Variants in FHOD3 observed in about 807,000 individuals in gnomAD.
FHOD3 encodes FH1/FH2 domain-containing protein 3.
FHOD3 carries 90 observed loss-of-function variants against 173.0 expected under a neutral mutation model. The ratio of observed to expected loss-of-function variants is 0.52; its 90% CI spans 0.44 to 0.62. The LOEUF (loss-of-function observed/expected upper bound fraction) is 0.62. FHOD3 is among the 20% of genes least tolerant of loss of function. The probability of loss-of-function intolerance (pLI) is 0.00; values close to 1 mark genes in which losing one functional copy is unlikely to be tolerated. For missense variants in FHOD3, 1,945 were observed against 2,034.7 expected (o/e 0.96, Z 0.85); for synonymous variants, 828 against 823.0 (o/e 1.01, Z -0.10).
intron 3 of FHOD3, among the ~76,000 whole-genome samples, chr18:36,494,127 T>A (rs2145850488): frequency 6.6e-6 from 1 of 152,254 alleles, no homozygotes; most frequent in African/African-American, 2.4e-5. Context: ...GGTCTGTCTT[T>A]CCCCACACAC....
intron 19 of FHOD3, among the ~76,000 whole-genome samples, chr18:36,721,918 G>A (rs1257806196): frequency 6.6e-6 from 1 of 152,172 alleles, no homozygotes; most frequent in African/African-American, 2.4e-5. Context: ...ATCAAAAAAA[G>A]TAACATTAGA....
chr18:36,321,792 G>A (rs904248243), intron 1 of FHOD3, among the ~76,000 whole-genome samples: 1 of 152,102 alleles, frequency 6.6e-6, no homozygotes, highest in African/African-American at 2.4e-5. Flanking sequence ...TGAATATGCA[G>A]GGGGGGCACT....
chr18:36,329,843 T>C (rs769996719), intron 1 of FHOD3, among the ~76,000 whole-genome samples: 9 of 152,156 alleles, frequency 5.9e-5, no homozygotes, highest in Admixed American at 3.3e-4. Flanking sequence ...CAGGTTACCA[T>C]TGGGCCCGTT....
chr18:36,604,713 T>A (rs1445652017), intron 8 of FHOD3, among the ~76,000 whole-genome samples: 1 of 152,220 alleles, frequency 6.6e-6, no homozygotes, highest in South Asian at 2.1e-4. Flanking sequence ...ACGTTTATTT[T>A]AAAAATAAAA....
chr18:36,668,493 A>G (rs2037327763), intron 14 of FHOD3, among the ~76,000 whole-genome samples: 1 of 151,284 alleles, frequency 6.6e-6, no homozygotes, highest in Non-Finnish European at 1.5e-5. Context: ...TAATTTTTAT[A>G]CTGTTTTTCT....
intron 19 of FHOD3, among the ~76,000 whole-genome samples, chr18:36,725,703 G>T (rs1320379922): frequency 1.3e-5 from 2 of 152,164 alleles, no homozygotes; most frequent in African/African-American, 4.8e-5. Context: ...GAAGGAACAT[G>T]TCAGTCAATC....
intron 24 of FHOD3, among the ~76,000 whole-genome samples, chr18:36,748,632 C>T (rs943706740): frequency 2.6e-5 from 4 of 152,092 alleles, no homozygotes; most frequent in Admixed American, 6.5e-5. Flanking sequence ...TGGCTGCTCC[C>T]GCCTCACCTG....
intron 28 of FHOD3, 25 bp downstream of exon 28, chr18:36,769,451 G>A: frequency 6.2e-7 from 1 of 1,610,414 alleles, no homozygotes; most frequent in Non-Finnish European, 8.5e-7. Context: ...GGAGGGGCGA[G>A]CCTTCACCCC....
At chr18:36,643,852 A>G (rs1318453956) in intron 10 of FHOD3, among the ~76,000 whole-genome samples, 2 of 152,130 alleles carry the variant, frequency 1.3e-5, no homozygotes, top group Non-Finnish European at 2.9e-5. Context: ...CTCCCAGTGT[A>G]TTGCTCAACT....
intron 2 of FHOD3, among the ~76,000 whole-genome samples, chr18:36,359,869 A>G (rs1024849714): frequency 6.6e-6 from 1 of 152,228 alleles, no homozygotes; most frequent in Non-Finnish European, 1.5e-5. Flanking sequence ...AGTTCCTGAT[A>G]CATAATACAC....
chr18:36,779,384 G>C, intron 28 of FHOD3, 64 bp from the exon 29 acceptor site: 3 of 1,496,304 alleles, frequency 2.0e-6, no homozygotes, highest in Non-Finnish European at 2.8e-6. Flanking sequence ...ACTGCCCTGT[G>C]CCTTGCTGCT....
chr18:36,376,484 T>C (rs919746575), intron 3 of FHOD3, among the ~76,000 whole-genome samples: 3 of 152,196 alleles, frequency 2.0e-5, no homozygotes, highest in Non-Finnish European at 4.4e-5. Context: ...TGTGAAAGAA[T>C]CCTGGCACAA....
chr18:36,554,131 T>A (rs563626883), intron 5 of FHOD3, among the ~76,000 whole-genome samples: 19 of 152,294 alleles, frequency 1.2e-4, no homozygotes, highest in African/African-American at 4.3e-4. Context: ...GCCATCCCAC[T>A]ACTGGGTATA....
At chr18:36,583,193 C>T (rs911867653) in intron 6 of FHOD3, among the ~76,000 whole-genome samples, 1 of 152,120 alleles carries the variant, frequency 6.6e-6, no homozygotes, top group Non-Finnish European at 1.5e-5. Flanking sequence ...AGTGGGAAGC[C>T]GTTGAACTCT....
intron 14 of FHOD3, among the ~76,000 whole-genome samples, chr18:36,669,497 G>C (rs1279969442): frequency 6.6e-6 from 1 of 150,974 alleles, no homozygotes; most frequent in Non-Finnish European, 1.5e-5. Flanking sequence ...CCTTTTGGGG[G>C]GTTGCATATT....
intron 18 of FHOD3, among the ~76,000 whole-genome samples, chr18:36,715,367 C>T (rs1041309867): frequency 1.3e-5 from 2 of 152,296 alleles, no homozygotes; most frequent in Non-Finnish European, 2.9e-5. Context: ...TTTTCTTCCC[C>T]TTCTGCCGTG....
intron 5 of FHOD3, among the ~76,000 whole-genome samples, chr18:36,571,432 A>G (rs1178705596): frequency 3.3e-5 from 5 of 152,248 alleles, no homozygotes; most frequent in African/African-American, 4.8e-5. Context: ...AAGATTCAGC[A>G]GAGTAAAGAT....
chr18:36,577,388 C>T (rs1447140805), intron 6 of FHOD3, among the ~76,000 whole-genome samples: 1 of 152,096 alleles, frequency 6.6e-6, no homozygotes, highest in Non-Finnish European at 1.5e-5. Context: ...CTGCAACCTC[C>T]ACCTCCTGAG....
chr18:36,337,718 G>T (rs2045394284), intron 1 of FHOD3, among the ~76,000 whole-genome samples: 1 of 152,126 alleles, frequency 6.6e-6, no homozygotes, highest in African/African-American at 2.4e-5. Flanking sequence ...TTTTAAAATT[G>T]GATTTTAAAA....
Sources: gnomAD v4.1 joint callset for allele counts (sites outside exome capture counted in the v4.1 genomes callset) on GRCh38, gnomAD v4.1.1 for gene constraint, MANE v1.5 for transcripts, NCBI Gene and HGNC (gene_info 2026-07-23, HGNC 2026-07-21) for gene names.